Variants in ARHGEF28 observed in about 807,000 individuals in gnomAD.
ARHGEF28 encodes the protein Rho guanine nucleotide exchange factor 28, also known as 190 kDa guanine nucleotide exchange factor.
ARHGEF28 carries 152 observed loss-of-function variants against 206.6 expected under a neutral mutation model. The observed-to-expected ratio is 0.74, with a 90% CI of 0.64 to 0.84. ARHGEF28 has a LOEUF of 0.84. ARHGEF28 is among the 40% of genes least tolerant of loss of function. The pLI, the probability that ARHGEF28 is intolerant of heterozygous loss-of-function variation, is 0.00. For synonymous variants in ARHGEF28, 763 were observed against 776.4 expected, an observed-to-expected ratio of 0.98 and a Z score of 0.29; for missense variants, 2,028 against 2,073.2, an observed-to-expected ratio of 0.98 and a Z score of 0.42.
At chr5:73,806,453 A>T (rs1755468055) in intron 9 of ARHGEF28, among the ~76,000 whole-genome samples, 1 of 128,496 alleles carries the variant, frequency 7.8e-6, no homozygotes, top group Non-Finnish European at 1.6e-5. Flanking sequence ...GTATATATCT[A>T]TATATAGTAT....
intron 2 of ARHGEF28, among the ~76,000 whole-genome samples, chr5:73,694,511 G>T (rs1291543344): frequency 6.6e-6 from 1 of 152,192 alleles, no homozygotes; most frequent in African/African-American, 2.4e-5. Flanking sequence ...AGGATTTTAG[G>T]CATGATGGAA....
At chr5:73,768,353 A>G (rs1365743976) in intron 4 of ARHGEF28, among the ~76,000 whole-genome samples, 1 of 152,192 alleles carries the variant, frequency 6.6e-6, no homozygotes, top group Non-Finnish European at 1.5e-5. Flanking sequence ...ATATCAGCCC[A>G]TGAAAGCAGC....
chr5:73,874,265 A>T (rs1760294037), intron 22 of ARHGEF28, among the ~76,000 whole-genome samples: 1 of 152,126 alleles, frequency 6.6e-6, no homozygotes, highest in African/African-American at 2.4e-5. Context: ...TACATATTCT[A>T]GACATTGGTT....
chr5:73,899,221 AAAG>A (rs1185870617), intron 30 of ARHGEF28: 3 of 152,112 alleles, frequency 2.0e-5, no homozygotes, highest in Non-Finnish European at 4.4e-5. Context: ...TTTCCTTTTA[AAAG>A]AAGAACCTCA....
chr5:73,910,373 C>T (rs1014952604), intron 34 of ARHGEF28, among the ~76,000 whole-genome samples: 1 of 86,462 alleles, frequency 1.2e-5, no homozygotes, highest in Non-Finnish European at 2.1e-5. Context: ...AAAAGTAAAA[C>T]ACCATCTCAA....
At chr5:73,847,014 G>C (rs1411228679) in intron 12 of ARHGEF28, among the ~76,000 whole-genome samples, 3 of 151,998 alleles carry the variant, frequency 2.0e-5, no homozygotes, top group African/African-American at 7.2e-5. Flanking sequence ...GTTTCATTTA[G>C]GTGTGCTTGT....
chr5:73,897,882 C>T (rs1276596472), intron 29 of ARHGEF28, 80 bp from the exon 30 acceptor site: 18 of 1,441,746 alleles, frequency 1.2e-5, no homozygotes, highest in Admixed American at 4.2e-5. Flanking sequence ...AGGCCAAATG[C>T]GATTTGCCAA....
intron 1 of ARHGEF28, among the ~76,000 whole-genome samples, chr5:73,638,633 A>C (rs1020431982): frequency 3.3e-5 from 5 of 152,344 alleles, no homozygotes; most frequent in Admixed American, 2.6e-4. Flanking sequence ...TAGTGAGTAC[A>C]TACTGGTTTT....
At chr5:73,746,257 T>C (rs897764194) in intron 2 of ARHGEF28, among the ~76,000 whole-genome samples, 23 of 152,084 alleles carry the variant, frequency 1.5e-4, no homozygotes, top group African/African-American at 5.5e-4. Flanking sequence ...TGTTAAAAAG[T>C]CAGAAGTACA....
chr5:73,764,100 CCTGGCAATCCCAGGTAGTAGG>C (rs1561387349), intron 4 of ARHGEF28, among the ~76,000 whole-genome samples: 2 of 152,188 alleles, frequency 1.3e-5, no homozygotes, highest in East Asian at 3.8e-4. Flanking sequence ...ATTACAGCCC[CCTGGCAATCCCAGGTAGTAGG>C]CTGGGCAGTT....
In ARHGEF28 at chr5:73,831,200, C is replaced by T. The variant is rs544432129; in HGVS notation, c.1025-1138C>T. On this transcript the variant is annotated intron_variant, in intron 9 of 35. Coordinates refer to ENST00000513042, the MANE Select transcript of ARHGEF28 (RefSeq NM_001177693.2). The stretch of plus-strand genomic sequence containing the variant: ...TGTGTCAAGTCTTTACATGTCTGAA[C>T]GCACTTAATCCTCATAACCACACTA... 3.9e-5 allele frequency among the ~76,000 whole-genome samples: 6 copies of T among 152,234 alleles called. No individual in the cohort carries two copies. In the East Asian group the frequency reaches 7.7e-4, roughly 20 times the overall value.
At chr5:73,744,383 C>G (rs548646262) in intron 2 of ARHGEF28, among the ~76,000 whole-genome samples, 37 of 152,220 alleles carry the variant, frequency 2.4e-4, no homozygotes, top group Middle Eastern at 6.8e-3. Flanking sequence ...TATTACACAT[C>G]TGGCTCTGGG....
intron 9 of ARHGEF28, among the ~76,000 whole-genome samples, chr5:73,824,775 GT>G (rs35110267): frequency 0.31 from 47,730 of 151,892 alleles, 9,077 homozygotes; most frequent in East Asian, 0.54. Context: ...ACCTGAAGAT[GT>G]TTTTTTAAGA....
chr5:73,892,529 A>AGTG (rs1761708215), intron 27 of ARHGEF28, among the ~76,000 whole-genome samples: 1 of 152,104 alleles, frequency 6.6e-6, no homozygotes, highest in Non-Finnish European at 1.5e-5. Flanking sequence ...GAAATTCTTT[A>AGTG]ACACCTGCTC....
intron 9 of ARHGEF28, 82 bp from the exon 10 acceptor site, chr5:73,832,255 TC>T: frequency 6.8e-7 from 1 of 1,476,542 alleles, no homozygotes; most frequent in South Asian, 1.4e-5. Flanking sequence ...TGACTTTTTT[TC>T]TTATGGTCTA....
At chr5:73,889,021 A>G (rs993372603) in intron 26 of ARHGEF28, among the ~76,000 whole-genome samples, 4 of 152,224 alleles carry the variant, frequency 2.6e-5, no homozygotes, top group African/African-American at 4.8e-5. Context: ...TTATCCTTGA[A>G]GAGTCAGGTG....
intron 9 of ARHGEF28, among the ~76,000 whole-genome samples, chr5:73,820,936 T>C (rs898055661): frequency 6.6e-6 from 1 of 152,094 alleles, no homozygotes; most frequent in African/African-American, 2.4e-5. Context: ...AGTGATCTAC[T>C]GCAGAGTCCC....
At chr5:73,630,919 A>C (rs1468034735) in intron 1 of ARHGEF28, among the ~76,000 whole-genome samples, 1 of 152,242 alleles carries the variant, frequency 6.6e-6, no homozygotes, top group East Asian at 1.9e-4. Context: ...ATTTGAATAG[A>C]TGATGAGCTG....
At chr5:73,848,752 A>G (rs2112593161) in intron 12 of ARHGEF28, among the ~76,000 whole-genome samples, 1 of 152,252 alleles carries the variant, frequency 6.6e-6, no homozygotes, top group East Asian at 1.9e-4. Flanking sequence ...ATTCTATAGT[A>G]TATACAGGAA....
Sources: allele counts gnomAD v4.1 joint callset (sites outside exome capture counted in the v4.1 genomes callset), GRCh38; gene constraint gnomAD v4.1.1; transcripts MANE v1.5; gene names NCBI Gene and HGNC (gene_info 2026-07-23, HGNC 2026-07-21).